VPS41: variants seen among roughly 807,000 people sequenced by gnomAD.
VPS41 encodes VPS41 subunit of HOPS complex, also known as vacuolar protein sorting-associated protein 41 homolog.
In VPS41, 85 loss-of-function variants were observed where a neutral mutation model predicts 130.9. That is an observed-to-expected ratio of 0.65 (90% CI 0.55 to 0.78). VPS41 has a LOEUF of 0.78. Among genes scored for constraint, VPS41 ranks in the 30% least tolerant of loss-of-function variants. The probability of loss-of-function intolerance (pLI) is 0.00; values close to 1 mark genes in which losing one functional copy is unlikely to be tolerated. For synonymous variants in VPS41, 335 were observed against 332.9 expected (o/e 1.01, Z -0.07); for missense variants, 874 against 1,018.7 (o/e 0.86, Z 1.93).
chr7:38,854,129 T>G (rs1465294650), intron 4 of VPS41, among the ~76,000 whole-genome samples: 1 of 152,194 alleles, frequency 6.6e-6, no homozygotes, highest in Non-Finnish European at 1.5e-5. Flanking sequence ...CTCTTATCAC[T>G]CAAAATACGG....
At chr7:38,903,496 C>T (rs903193288) in intron 1 of VPS41, among the ~76,000 whole-genome samples, 4 of 152,116 alleles carry the variant, frequency 2.6e-5, no homozygotes, top group Admixed American at 6.5e-5. Flanking sequence ...CAGGAGGGCT[C>T]ACCTGGGTCT....
chr7:38,869,977 C>T (rs1786313332), intron 2 of VPS41, among the ~76,000 whole-genome samples: 1 of 152,136 alleles, frequency 6.6e-6, no homozygotes, highest in African/African-American at 2.4e-5. Context: ...CTGAGGCAAC[C>T]TCAACTAGAA....
At position 38,774,182 on chromosome 7, in the gene VPS41, T is replaced by C; in HGVS notation, c.945A>G (p.Glu315=). 1 of 1,609,750 alleles carries C rather than the reference T, an allele frequency of 6.2e-7. No homozygotes were observed. Among genetic ancestry groups the C allele is most frequent in the Non-Finnish European group, 8.5e-7 (1 of 1,176,816 alleles). Residue 315 remains glutamate, a synonymous_variant, in exon 12 of 29, where the codon GAA becomes GAG. Transcript: ENST00000310301. Reference sequence around the variant, plus strand: ...CTGTCAAAGCATCAGAAGAGATCTCTTCACAAGTCTCAGAAAGTGGCTGGA... The same window carrying C: ...CTGTCAAAGCATCAGAAGAGATCTCCTCACAAGTCTCAGAAAGTGGCTGGA... The part of the protein sequence containing the change: ...DIIQPLSETC[E]EISSDALTVR...
chr7:38,852,303 A>T, intron 4 of VPS41, among the ~76,000 whole-genome samples: 1 of 152,242 alleles, frequency 6.6e-6, no homozygotes, highest in Non-Finnish European at 1.5e-5. Flanking sequence ...TGCAAGATCC[A>T]GTCAGATCAC....
intron 4 of VPS41, among the ~76,000 whole-genome samples, chr7:38,845,942 A>G (rs1185880473): frequency 2.6e-5 from 4 of 152,264 alleles, no homozygotes; most frequent in Non-Finnish European, 5.9e-5. Flanking sequence ...TTTAAAAATT[A>G]TTTGTTCTTA....
chr7:38,749,256 A>G (rs1416995644), intron 22 of VPS41, among the ~76,000 whole-genome samples: 1 of 152,194 alleles, frequency 6.6e-6, no homozygotes, highest in Non-Finnish European at 1.5e-5. Context: ...TCAATTCAAA[A>G]TAAGGTTAAC....
intron 2 of VPS41, 117 bp from the exon 3 acceptor site, chr7:38,869,370 C>T (rs1262551018): frequency 4.6e-6 from 3 of 654,194 alleles, no homozygotes; most frequent in East Asian, 2.6e-5. Flanking sequence ...TTAATAATTC[C>T]AACTACAGCT....
intron 25 of VPS41, among the ~76,000 whole-genome samples, chr7:38,739,076 G>A (rs1220991256): frequency 6.6e-6 from 1 of 152,180 alleles, no homozygotes; most frequent in African/African-American, 2.4e-5. Flanking sequence ...CAGTGCCCAA[G>A]TTTTAAATGC....
intron 3 of VPS41, among the ~76,000 whole-genome samples, 175 bp downstream of exon 3, chr7:38,868,971 C>T (rs543865348): frequency 2.2e-4 from 33 of 152,116 alleles, no homozygotes; most frequent in Admixed American, 1.4e-3. Context: ...TGTGAATGGG[C>T]GCGTACACAC....
chr7:38,822,704 G>C (rs1785198844), intron 5 of VPS41, among the ~76,000 whole-genome samples: 2 of 152,196 alleles, frequency 1.3e-5, no homozygotes, highest in Non-Finnish European at 2.9e-5. Context: ...GAATGGAATT[G>C]CTGAGTCATA....
At chr7:38,899,385 T>A (rs1787092493) in intron 1 of VPS41, among the ~76,000 whole-genome samples, 1 of 152,204 alleles carries the variant, frequency 6.6e-6, no homozygotes, top group African/African-American at 2.4e-5. Flanking sequence ...TTCTTAGCAC[T>A]ACATAAAAAA....
intron 2 of VPS41, among the ~76,000 whole-genome samples, chr7:38,891,898 A>G (rs1180672739): frequency 1.3e-5 from 2 of 152,156 alleles, no homozygotes; most frequent in African/African-American, 4.8e-5. Flanking sequence ...AAATACAGAA[A>G]TGAGTATTTT....
chr7:38,868,245 G>A (rs1329333795), intron 3 of VPS41, among the ~76,000 whole-genome samples: 2 of 152,196 alleles, frequency 1.3e-5, no homozygotes, highest in Non-Finnish European at 2.9e-5. Flanking sequence ...AAAAGGGGTC[G>A]ATGGCATTGC....
intron 10 of VPS41, among the ~76,000 whole-genome samples, chr7:38,785,048 C>A (rs536456845): frequency 2.0e-5 from 3 of 152,280 alleles, no homozygotes; most frequent in East Asian, 3.9e-4. Context: ...GTCTTATATT[C>A]ATTTATGAAA....
At chr7:38,892,162 T>A (rs1269560485) in intron 2 of VPS41, among the ~76,000 whole-genome samples, 4 of 149,992 alleles carry the variant, frequency 2.7e-5, no homozygotes, top group African/African-American at 4.9e-5. Context: ...TTCCAAAGAT[T>A]TTTTTTTTTA....
At chr7:38,756,806 A>T (rs761560687) in intron 19 of VPS41, 32 bp downstream of exon 19, 1 of 1,399,212 alleles carries the variant, frequency 7.1e-7, no homozygotes, top group South Asian at 1.3e-5. Context: ...TAGTAAAAAT[A>T]ATTGACAGTA....
intron 9 of VPS41, among the ~76,000 whole-genome samples, chr7:38,794,412 A>G (rs547313572): frequency 6.6e-6 from 1 of 152,354 alleles, no homozygotes; most frequent in South Asian, 2.1e-4. Flanking sequence ...AATAACAATC[A>G]TTACATTAAT....
intron 5 of VPS41, among the ~76,000 whole-genome samples, chr7:38,827,726 T>C (rs893794335): frequency 6.6e-6 from 1 of 152,204 alleles, no homozygotes; most frequent in African/African-American, 2.4e-5. Flanking sequence ...TAAGCGATAT[T>C]GCCTTCAGCT....
At chr7:38,883,191 C>G (rs1277400958) in intron 2 of VPS41, among the ~76,000 whole-genome samples, 1 of 152,146 alleles carries the variant, frequency 6.6e-6, no homozygotes, top group Non-Finnish European at 1.5e-5. Flanking sequence ...TGCAGTGAGC[C>G]GAGATCGGCC....
Sources: allele counts gnomAD v4.1 joint callset (sites outside exome capture counted in the v4.1 genomes callset), GRCh38; gene constraint gnomAD v4.1.1; transcripts MANE v1.5; gene names NCBI Gene and HGNC (gene_info 2026-07-23, HGNC 2026-07-21).